MSRA: variants seen among roughly 807,000 people sequenced by gnomAD.
The protein encoded by MSRA is methionine sulfoxide reductase A, also known as mitochondrial peptide methionine sulfoxide reductase.
A neutral mutation model predicts 31.3 loss-of-function variants in MSRA; 54 were observed. The observed-to-expected ratio is 1.73, with a 90% CI of 1.39 to 2.17. The LOEUF (loss-of-function observed/expected upper bound fraction) is 2.17, where lower values mean the gene tolerates loss of function less well. Ranked by LOEUF, MSRA falls within the 30% of genes most tolerant of loss-of-function variation. MSRA has a pLI of 0.00. For synonymous variants in MSRA, 169 were observed against 116.5 expected, an observed-to-expected ratio of 1.45 and a Z score of -2.90; for missense variants, 507 against 300.9, an observed-to-expected ratio of 1.69 and a Z score of -5.07.
At chr8:10,390,684 A>G (rs1318009632) in intron 5 of MSRA, among the ~76,000 whole-genome samples, 1 of 152,122 alleles carries the variant, frequency 6.6e-6, no homozygotes, top group African/African-American at 2.4e-5. Context: ...CAGGTGCCGC[A>G]TTGTTTCTGT....
intron 5 of MSRA, among the ~76,000 whole-genome samples, chr8:10,362,015 G>A (rs778933602): frequency 3.0e-4 from 45 of 151,682 alleles, no homozygotes; most frequent in Middle Eastern, 3.4e-3. Context: ...TTTTGTTTTC[G>A]TCTTTTGGCC....
chr8:10,394,897 C>A (rs1473285951), intron 5 of MSRA, among the ~76,000 whole-genome samples: 3 of 152,210 alleles, frequency 2.0e-5, no homozygotes, highest in African/African-American at 7.2e-5. Context: ...AATCAGTGAC[C>A]TACAGTTATA....
At chr8:10,108,953 G>T (rs1410860105) in intron 1 of MSRA, among the ~76,000 whole-genome samples, 1 of 152,180 alleles carries the variant, frequency 6.6e-6, no homozygotes, top group Non-Finnish European at 1.5e-5. Context: ...ATTTATAACT[G>T]GCCTCTGATG....
intron 2 of MSRA, among the ~76,000 whole-genome samples, chr8:10,243,898 G>A (rs894431046): frequency 1.3e-5 from 2 of 151,878 alleles, no homozygotes; most frequent in African/African-American, 4.8e-5. Flanking sequence ...TTATTATTTG[G>A]CCTTATATTT....
At chr8:10,305,667 C>T (rs1294650938) in intron 4 of MSRA, among the ~76,000 whole-genome samples, 3 of 152,222 alleles carry the variant, frequency 2.0e-5, no homozygotes, top group African/African-American at 7.2e-5. Context: ...CCACCTCGGC[C>T]TCCCCAAGTG....
intron 5 of MSRA, among the ~76,000 whole-genome samples, chr8:10,341,751 TG>T (rs1476503861): frequency 1.3e-5 from 2 of 152,130 alleles, no homozygotes; most frequent in Non-Finnish European, 2.9e-5. Context: ...GTGACGTAAG[TG>T]AGATGACATG....
rs567201648 is a variant in MSRA at position 10,427,450 on chromosome 8, G to A, written c.544-698G>A. Among the ~76,000 whole-genome samples, 6 of 152,280 alleles carry A rather than the reference G, an allele frequency of 3.9e-5. 1 individual carries two copies. The highest frequency in any genetic ancestry group is 1.4e-4 in the African/African-American group (6 of 41,556). ...CGGGACGTAAACTAGGACGCAGAGGGTGGTGATGAGCCACAGGCCACATCC... is the reference window on the plus strand; with the variant it reads ...CGGGACGTAAACTAGGACGCAGAGGATGGTGATGAGCCACAGGCCACATCC... On this transcript the variant is annotated intron_variant, in intron 5 of 5. Transcript: ENST00000317173.
chr8:10,079,449 C>G (rs1408685014), intron 1 of MSRA, among the ~76,000 whole-genome samples: 2 of 152,104 alleles, frequency 1.3e-5, no homozygotes, highest in African/African-American at 4.8e-5. Context: ...GCCACCACAC[C>G]CGACCATGTT....
At chr8:10,137,045 T>C (rs1248583592) in intron 1 of MSRA, among the ~76,000 whole-genome samples, 1 of 152,204 alleles carries the variant, frequency 6.6e-6, no homozygotes, top group Non-Finnish European at 1.5e-5. Flanking sequence ...TAACCTGTGA[T>C]GTGCGTTGGC....
At chr8:10,326,878 G>C (rs1293631723) in intron 5 of MSRA, among the ~76,000 whole-genome samples, 1 of 152,162 alleles carries the variant, frequency 6.6e-6, no homozygotes, top group African/African-American at 2.4e-5. Context: ...TAGAGTGAGG[G>C]TGGTTCACGT....
chr8:10,074,708 G>C (rs1797914789), intron 1 of MSRA, among the ~76,000 whole-genome samples: 1 of 151,916 alleles, frequency 6.6e-6, no homozygotes, highest in Non-Finnish European at 1.5e-5. Flanking sequence ...GCTGAGGCTG[G>C]AGTGCAGTAG....
At chr8:10,224,778 T>C (rs1341370689) in intron 2 of MSRA, among the ~76,000 whole-genome samples, 1 of 152,228 alleles carries the variant, frequency 6.6e-6, no homozygotes, top group African/African-American at 2.4e-5. Context: ...ACTAGAAAGA[T>C]TCCTGCACTC....
Position 10,054,560 on chromosome 8 carries a change from ACAGCCTCTTTCCCGT to A in MSRA, c.46_60del (p.Ser16_Val20del). 1 of 1,587,162 alleles carries A rather than the reference ACAGCCTCTTTCCCGT, an allele frequency of 6.3e-7. No individual in the cohort carries two copies. The highest frequency in any genetic ancestry group is 8.6e-7 in the Non-Finnish European group (1 of 1,167,110). On this transcript the variant is annotated inframe_deletion, in exon 1 of 6. Transcript: ENST00000317173. ...AGGGCTTGCCAGCTCCTCCTCCTCC[ACAGCCTCTTTCCCGT>A]CCCGAGGATGGGCAACTCGGCCTCG...
intron 1 of MSRA, 74 bp from the exon 2 acceptor site, chr8:10,207,759 C>CAA: frequency 7.5e-7 from 1 of 1,336,614 alleles, no homozygotes; most frequent in Non-Finnish European, 1.0e-6. Context: ...GGCTCATTGA[C>CAA]ACATTTAATG....
intron 5 of MSRA, among the ~76,000 whole-genome samples, chr8:10,423,574 A>T (rs903630258): frequency 1.3e-5 from 2 of 152,020 alleles, no homozygotes; most frequent in African/African-American, 4.8e-5. Context: ...TTCGTCCCCT[A>T]TCTCCCCCTG....
At chr8:10,230,805 A>G (rs754706024) in intron 2 of MSRA, among the ~76,000 whole-genome samples, 3 of 152,092 alleles carry the variant, frequency 2.0e-5, no homozygotes, top group African/African-American at 7.2e-5. Context: ...TTTAATTGAG[A>G]TGGAGTTTTG....
At chr8:10,229,077 T>C (rs1326266388) in intron 2 of MSRA, among the ~76,000 whole-genome samples, 1 of 152,186 alleles carries the variant, frequency 6.6e-6, no homozygotes, top group East Asian at 1.9e-4. Flanking sequence ...TATGACCAAG[T>C]GAGATGTTAT....
chr8:10,409,974 C>T (rs943329591), intron 5 of MSRA, among the ~76,000 whole-genome samples: 10 of 152,174 alleles, frequency 6.6e-5, no homozygotes, highest in East Asian at 1.9e-4. Context: ...GCAGGAGGAT[C>T]GCTGGAGCCC....
At chr8:10,292,157 T>A (rs948665058) in intron 3 of MSRA, among the ~76,000 whole-genome samples, 2 of 152,220 alleles carry the variant, frequency 1.3e-5, no homozygotes, top group Admixed American at 6.5e-5. Flanking sequence ...ATTCAGTGGT[T>A]AGGGACAGAG....
Sources: gnomAD v4.1 joint callset for allele counts (sites outside exome capture counted in the v4.1 genomes callset) on GRCh38, gnomAD v4.1.1 for gene constraint, MANE v1.5 for transcripts, NCBI Gene and HGNC (gene_info 2026-07-23, HGNC 2026-07-21) for gene names.